Variants in SENP7 observed in about 807,000 individuals in gnomAD.
SENP7 encodes sentrin-specific protease 7.
SENP7 carries 64 observed loss-of-function variants against 141.2 expected under a neutral mutation model. That is an observed-to-expected ratio of 0.45 (90% CI 0.37 to 0.56). The LOEUF (loss-of-function observed/expected upper bound fraction) is 0.56. SENP7 is among the 20% of genes least tolerant of loss of function. The pLI is 0.00. For missense variants in SENP7, 1,025 were observed against 1,212.2 expected (o/e 0.85, Z 2.29); for synonymous variants, 382 against 426.4 (o/e 0.90, Z 1.28).
At chr3:101,495,530 G>T (rs562237248) in intron 2 of SENP7, among the ~76,000 whole-genome samples, 5 of 152,212 alleles carry the variant, frequency 3.3e-5, no homozygotes, top group African/African-American at 9.6e-5. Context: ...ACTGAATAAA[G>T]AAAATATAAA....
chr3:101,478,477 A>G (rs1197698372), intron 3 of SENP7, among the ~76,000 whole-genome samples: 2 of 152,168 alleles, frequency 1.3e-5, no homozygotes, highest in Non-Finnish European at 2.9e-5. Flanking sequence ...AAGGAGAATG[A>G]TCATGCCACT....
chr3:101,432,918 C>A (rs1353625366), intron 4 of SENP7, among the ~76,000 whole-genome samples: 4 of 152,144 alleles, frequency 2.6e-5, no homozygotes, highest in African/African-American at 9.7e-5. Flanking sequence ...TCACTGGAAG[C>A]TACAAAACTC....
intron 6 of SENP7, among the ~76,000 whole-genome samples, chr3:101,376,477 C>T (rs2060332013): frequency 6.6e-6 from 1 of 152,026 alleles, no homozygotes; most frequent in African/African-American, 2.4e-5. Flanking sequence ...TACAGAGTAA[C>T]ATCAACAAGT....
intron 1 of SENP7, 139 bp downstream of exon 1, chr3:101,512,952 C>A: frequency 2.2e-6 from 2 of 927,418 alleles, no homozygotes; most frequent in South Asian, 2.6e-5. Context: ...CGGGAGCCTT[C>A]CATTGTGCGC....
chr3:101,416,893 T>C (rs1302156404), intron 5 of SENP7, among the ~76,000 whole-genome samples: 2 of 152,118 alleles, frequency 1.3e-5, no homozygotes, highest in Non-Finnish European at 2.9e-5. Context: ...TAACTGAAAA[T>C]AAAGTACCTT....
At chr3:101,366,084 G>T (rs1240656677) in intron 9 of SENP7, among the ~76,000 whole-genome samples, 1 of 152,184 alleles carries the variant, frequency 6.6e-6, no homozygotes, top group Non-Finnish European at 1.5e-5. Flanking sequence ...GAAAATTAAT[G>T]ATAATAATCA....
At chr3:101,348,686 G>T (rs995778585) in intron 12 of SENP7, among the ~76,000 whole-genome samples, 1 of 151,736 alleles carries the variant, frequency 6.6e-6, no homozygotes, top group Non-Finnish European at 1.5e-5. Flanking sequence ...ATTCCTCCAG[G>T]TTTTATTTCT....
At chr3:101,430,745 T>C (rs1358530904) in intron 4 of SENP7, among the ~76,000 whole-genome samples, 1 of 152,234 alleles carries the variant, frequency 6.6e-6, no homozygotes, top group East Asian at 1.9e-4. Context: ...TTGTTTGCTC[T>C]TCCTTCTGTA....
intron 16 of SENP7, 26 bp from the exon 17 acceptor site, chr3:101,337,657 T>C (rs369604577): frequency 2.7e-6 from 4 of 1,493,994 alleles, no homozygotes; most frequent in East Asian, 5.0e-5. Flanking sequence ...CCCACAAAAG[T>C]AAATTATTTT....
At chr3:101,363,259 A>G (rs1472875367) in intron 10 of SENP7, 1 of 246,710 alleles carries the variant, frequency 4.1e-6, no homozygotes. Flanking sequence ...CATCAGTCAG[A>G]CAAATAACTG....
At chr3:101,389,060 G>A (rs1459162530) in intron 6 of SENP7, among the ~76,000 whole-genome samples, 1 of 152,104 alleles carries the variant, frequency 6.6e-6, no homozygotes, top group Non-Finnish European at 1.5e-5. Flanking sequence ...AAAACAAAGG[G>A]ATAGAAAACA....
chr3:101,388,504 C>T (rs1472121718), intron 6 of SENP7, among the ~76,000 whole-genome samples: 3 of 152,136 alleles, frequency 2.0e-5, no homozygotes, highest in Non-Finnish European at 4.4e-5. Context: ...AAAAGTTTCC[C>T]TACAAAAGCT....
At chr3:101,346,688 T>C (rs2059462069) in intron 13 of SENP7, among the ~76,000 whole-genome samples, 1 of 151,630 alleles carries the variant, frequency 6.6e-6, no homozygotes, top group Admixed American at 6.6e-5. Flanking sequence ...TTCTCAGTTA[T>C]AAGTGGGAGC....
chr3:101,357,637 T>C, intron 11 of SENP7: 2 of 795,998 alleles, frequency 2.5e-6, no homozygotes, highest in South Asian at 1.4e-5. Context: ...AAAGCGGTTA[T>C]AATGGACTTA....
At chr3:101,430,704 T>A (rs938997612) in intron 4 of SENP7, among the ~76,000 whole-genome samples, 5 of 152,000 alleles carry the variant, frequency 3.3e-5, no homozygotes, top group African/African-American at 9.7e-5. Flanking sequence ...TCTGCTCTGA[T>A]CTATTTCTCG....
intron 15 of SENP7, chr3:101,340,526 C>T (rs2059302511): frequency 4.9e-6 from 1 of 204,252 alleles, no homozygotes; most frequent in South Asian, 1.3e-4. Context: ...AGATGTTGCT[C>T]TTCTTCATAA....
chr3:101,446,251 G>C (rs1373595015), intron 4 of SENP7, among the ~76,000 whole-genome samples: 2 of 152,150 alleles, frequency 1.3e-5, no homozygotes, highest in African/African-American at 4.8e-5. Context: ...AGCCTGGACA[G>C]CCTGCAGAAC....
Position 101,501,098 on chromosome 3 carries a change from C to T in SENP7, c.62G>A (p.Arg21Lys). 1 of 1,607,044 alleles carries T rather than the reference C, an allele frequency of 6.2e-7. No individual in the cohort carries two copies. ...CGATAAATCAGAAGATGACTTTTTC[C>T]TTTTTCCTTCTGTGATGATTTCTAC... Reference protein sequence around the residue: ...SSSEIITEGKRKKSSSDLSEI... With the variant: ...SSSEIITEGKKKKSSSDLSEI... Residue 21 changes from arginine (R) to lysine (K), a missense_variant, in exon 2 of 24, where the codon AGG becomes AAG. By Grantham distance (26) the Arg-to-Lys change is conservative. Coordinates refer to ENST00000394095, the MANE Select transcript of SENP7 (RefSeq NM_020654.5).
chr3:101,447,197 C>CA (rs1178678174), intron 4 of SENP7, among the ~76,000 whole-genome samples: 3 of 152,164 alleles, frequency 2.0e-5, no homozygotes, highest in African/African-American at 7.2e-5. Context: ...ATAATACTAA[C>CA]ACTCTGGGAA....
Sources: allele counts gnomAD v4.1 joint callset (sites outside exome capture counted in the v4.1 genomes callset), GRCh38; gene constraint gnomAD v4.1.1; transcripts MANE v1.5; gene names NCBI Gene and HGNC (gene_info 2026-07-23, HGNC 2026-07-21).